ARHGAP42: variants seen among roughly 807,000 people sequenced by gnomAD.
ARHGAP42 encodes rho GTPase-activating protein 42.
In ARHGAP42, 63 loss-of-function variants were observed where a neutral mutation model predicts 125.0. The observed-to-expected ratio is 0.50, with a 90% CI of 0.41 to 0.62. ARHGAP42 has a LOEUF of 0.62. Ranked by LOEUF, ARHGAP42 falls within the 20% of genes least tolerant of loss-of-function variation. ARHGAP42 has a pLI of 0.00. For missense variants in ARHGAP42, 766 were observed against 1,024.2 expected (o/e 0.75, Z 3.44); for synonymous variants, 339 against 351.0 (o/e 0.97, Z 0.38).
intron 4 of ARHGAP42, among the ~76,000 whole-genome samples, chr11:100,868,006 A>G (rs903853086): frequency 6.6e-6 from 1 of 152,206 alleles, no homozygotes; most frequent in African/African-American, 2.4e-5. Context: ...ACTGTTTTAT[A>G]TAGGTGTGAG....
intron 3 of ARHGAP42, among the ~76,000 whole-genome samples, chr11:100,811,440 TA>T (rs1324396474): frequency 6.6e-6 from 1 of 151,852 alleles, no homozygotes; most frequent in Non-Finnish European, 1.5e-5. Flanking sequence ...TGTGAATGAC[TA>T]GAGTTTGGGA....
intron 4 of ARHGAP42, among the ~76,000 whole-genome samples, chr11:100,868,814 A>G (rs1247554931): frequency 2.0e-5 from 3 of 152,148 alleles, no homozygotes; most frequent in African/African-American, 7.2e-5. Flanking sequence ...CCCCATATGA[A>G]AAATGGAGAA....
chr11:100,777,116 A>G (rs930758254), intron 2 of ARHGAP42, among the ~76,000 whole-genome samples: 1 of 152,188 alleles, frequency 6.6e-6, no homozygotes, highest in Non-Finnish European at 1.5e-5. Context: ...TTTTGTGTAC[A>G]GCATTGGCTG....
At chr11:100,959,060 G>T (rs1857887319) in intron 12 of ARHGAP42, among the ~76,000 whole-genome samples, 1 of 126,442 alleles carries the variant, frequency 7.9e-6, no homozygotes, top group African/African-American at 3.2e-5. Flanking sequence ...TATTATTTGA[G>T]AATATTTTAA....
intron 3 of ARHGAP42, among the ~76,000 whole-genome samples, chr11:100,841,062 A>G (rs1044769455): frequency 2.0e-5 from 3 of 152,200 alleles, no homozygotes; most frequent in African/African-American, 7.2e-5. Flanking sequence ...TAGGTGTGCC[A>G]TGAAATACGG....
intron 2 of ARHGAP42, among the ~76,000 whole-genome samples, chr11:100,791,720 G>T (rs572586432): frequency 4.9e-4 from 74 of 151,726 alleles, no homozygotes; most frequent in Non-Finnish European, 7.2e-4. Flanking sequence ...TTTGTTGTCA[G>T]ATTGGGGCCA....
chr11:100,971,391 A>G (rs1017877118), intron 17 of ARHGAP42, among the ~76,000 whole-genome samples: 2 of 152,160 alleles, frequency 1.3e-5, no homozygotes, highest in East Asian at 3.9e-4. Flanking sequence ...AGATCCTGAT[A>G]TACATTTCCT....
chr11:100,779,581 C>CGTATACATACGTAT (rs376743683), intron 2 of ARHGAP42, among the ~76,000 whole-genome samples: 8 of 46,374 alleles, frequency 1.7e-4, no homozygotes, highest in Admixed American at 3.0e-4. Context: ...CGTATATATA[C>CGTATACATACGTAT]ATATATACGT....
intron 12 of ARHGAP42, among the ~76,000 whole-genome samples, chr11:100,955,664 C>G (rs1167406754): frequency 6.6e-6 from 1 of 152,074 alleles, no homozygotes; most frequent in Non-Finnish European, 1.5e-5. Flanking sequence ...ATCCTCCTCT[C>G]CTTGCTGTTG....
At chr11:100,710,622 C>T (rs1198681576) in intron 1 of ARHGAP42, among the ~76,000 whole-genome samples, 1 of 148,662 alleles carries the variant, frequency 6.7e-6, no homozygotes, top group African/African-American at 2.5e-5. Context: ...TCACTGCAAC[C>T]TCTGCCTCCC....
chr11:100,859,992 G>T (rs1482498097), intron 4 of ARHGAP42: 1 of 157,872 alleles, frequency 6.3e-6, no homozygotes, highest in Non-Finnish European at 1.4e-5. Context: ...AATATTCTTT[G>T]TATTTTTTAT....
chr11:100,740,065 A>AT (rs1862151385), intron 1 of ARHGAP42, among the ~76,000 whole-genome samples: 1 of 128,672 alleles, frequency 7.8e-6, no homozygotes, highest in Non-Finnish European at 1.7e-5. Context: ...TTATTAGTAC[A>AT]ATTTTTTTTT....
intron 10 of ARHGAP42, among the ~76,000 whole-genome samples, chr11:100,945,120 G>A (rs945830133): frequency 2.0e-5 from 3 of 151,938 alleles, no homozygotes; most frequent in Admixed American, 6.6e-5. Context: ...ATCTTCACCC[G>A]GAGAAGATTC....
chr11:100,890,025 T>C (rs1866182023), intron 4 of ARHGAP42, among the ~76,000 whole-genome samples: 2 of 152,118 alleles, frequency 1.3e-5, no homozygotes, highest in African/African-American at 2.4e-5. Flanking sequence ...AGGAAAGGAA[T>C]GGAATATTAA....
intron 2 of ARHGAP42, among the ~76,000 whole-genome samples, chr11:100,783,174 G>A (rs190003289): frequency 2.0e-5 from 3 of 152,296 alleles, no homozygotes; most frequent in East Asian, 1.9e-4. Context: ...GGTGGCTCAC[G>A]CCTGTAATCC....
At chr11:100,805,298 TTAA>T (rs1315089597) in intron 3 of ARHGAP42, among the ~76,000 whole-genome samples, 46 of 152,294 alleles carry the variant, frequency 3.0e-4, no homozygotes, top group Admixed American at 7.8e-4. Context: ...ACAGATTCCA[TTAA>T]TAACAATAAC....
chr11:100,769,728 T>TC (rs1257013672), intron 1 of ARHGAP42, among the ~76,000 whole-genome samples: 62 of 131,196 alleles, frequency 4.7e-4, no homozygotes, highest in Non-Finnish European at 1.0e-3. Flanking sequence ...TTTTTTTTTT[T>TC]TTTTTTTTTT....
intron 3 of ARHGAP42, among the ~76,000 whole-genome samples, chr11:100,843,491 T>C (rs1276741504): frequency 6.6e-6 from 1 of 152,098 alleles, no homozygotes. Context: ...GGCATCCAAA[T>C]AGGTAAAGAA....
chr11:100,783,015 A>T (rs1863351181), intron 2 of ARHGAP42, among the ~76,000 whole-genome samples: 1 of 152,188 alleles, frequency 6.6e-6, no homozygotes, highest in Non-Finnish European at 1.5e-5. Context: ...GAGCCTTAGA[A>T]ATTTGATTTC....
Sources: allele counts gnomAD v4.1 joint callset (sites outside exome capture counted in the v4.1 genomes callset), GRCh38; gene constraint gnomAD v4.1.1; transcripts MANE v1.5; gene names NCBI Gene and HGNC (gene_info 2026-07-23, HGNC 2026-07-21).